GLG1: variants seen among roughly 807,000 people sequenced by gnomAD.
GLG1 encodes the protein golgi glycoprotein 1, also known as Golgi apparatus protein 1.
GLG1 carries 38 observed loss-of-function variants against 160.5 expected under a neutral mutation model. The ratio of observed to expected loss-of-function variants is 0.24; its 90% CI spans 0.18 to 0.31. The LOEUF (loss-of-function observed/expected upper bound fraction) is 0.31, where lower values mean the gene tolerates loss of function less well. Among genes scored for constraint, GLG1 ranks in the 10% least tolerant of loss-of-function variants. GLG1 has a pLI of 1.00. For synonymous variants in GLG1, 644 were observed against 543.4 expected (o/e 1.19, Z -2.57); for missense variants, 1,373 against 1,505.2 (o/e 0.91, Z 1.45).
At chr16:74,521,057 G>C (rs1270745289) in intron 2 of GLG1, among the ~76,000 whole-genome samples, 2 of 152,208 alleles carry the variant, frequency 1.3e-5, no homozygotes, top group African/African-American at 4.8e-5. Flanking sequence ...AAGAGAGTAA[G>C]AGAAGGAAAA....
intron 1 of GLG1, among the ~76,000 whole-genome samples, chr16:74,601,919 A>G (rs1369842215): frequency 6.6e-6 from 1 of 152,188 alleles, no homozygotes; most frequent in Admixed American, 6.6e-5. Context: ...ACCACTTAGG[A>G]TATAACATCA....
chr16:74,581,659 C>G (rs1335142837), intron 1 of GLG1, among the ~76,000 whole-genome samples: 1 of 152,064 alleles, frequency 6.6e-6, no homozygotes, highest in African/African-American at 2.4e-5. Context: ...TAAGGAAACC[C>G]CAGCACCTCG....
Position 74,462,503 on chromosome 16 carries a change from C to G in GLG1, c.2919G>C (p.Leu973=), listed in dbSNP as rs760700940. ...GCCAGTTTACCTGGTCAGCATATCTCAGCTTCAGGCAAGAGATGACTTGTC... is the reference window on the plus strand; with the variant it reads ...GCCAGTTTACCTGGTCAGCATATCTGAGCTTCAGGCAAGAGATGACTTGTC... ...LEGQVISCLK[L]RYADQRLSSD... is the part of the protein sequence containing the mutation. The change falls in exon 21 of 26, where the codon CTG becomes CTC. Residue 973 remains leucine, a synonymous_variant. Transcript: ENST00000422840. 6.2e-7 allele frequency: 1 copy of G among 1,613,922 alleles called. No individual in the cohort carries two copies. Among genetic ancestry groups the G allele is most frequent in the South Asian group, 1.1e-5 (1 of 91,070 alleles).
intron 1 of GLG1, among the ~76,000 whole-genome samples, chr16:74,555,759 T>G (rs2018333943): frequency 6.6e-6 from 1 of 151,618 alleles, no homozygotes; most frequent in African/African-American, 2.4e-5. Flanking sequence ...AGCCTAAGAT[T>G]TAAAAGATTT....
rs1486039582 is a variant in GLG1, at chr16:74,465,659, T to C, written c.2667+17A>G. 2.5e-6 allele frequency: 4 copies of C among 1,611,616 alleles called. No homozygotes were observed. Among genetic ancestry groups the C allele is most frequent in the African/African-American group, 2.7e-5 (2 of 74,782 alleles). ...TTGTTGTTCATCCGTGCTCGGCCTTTGGTGTCGGCTTCTCACCTTTATCAT... is the reference window on the plus strand; with the variant it reads ...TTGTTGTTCATCCGTGCTCGGCCTTCGGTGTCGGCTTCTCACCTTTATCAT... On this transcript the variant is annotated intron_variant, in intron 19 of 25. Transcript: ENST00000422840.
In GLG1 at chr16:74,520,720, T is replaced by G. The variant is rs542373884; in HGVS notation, c.471+11401A>C. On this transcript the variant is annotated intron_variant, in intron 2 of 25. Coordinates refer to ENST00000422840, the MANE Select transcript of GLG1 (RefSeq NM_001145667.2). The stretch of plus-strand genomic sequence containing the variant: ...ATGCCAGAAATATCTTTATATTACT[T>G]TGACTGGATATCATTTTTCGGTAAG... 1.2e-4 allele frequency among the ~76,000 whole-genome samples: 19 copies of G among 152,318 alleles called. 1 individual carries two copies. The East Asian group carries it at 3.7e-3, about 29-fold the overall frequency.
chr16:74,507,719 G>A (rs1301389183), intron 3 of GLG1, among the ~76,000 whole-genome samples: 4 of 151,772 alleles, frequency 2.6e-5, no homozygotes, highest in African/African-American at 9.7e-5. Context: ...GTGGGCGACA[G>A]AGCAAGACTC....
At position 74,449,132 on chromosome 16, in the gene GLG1, C is replaced by G. The variant is rs568714651; in HGVS notation, c.*4035G>C. On this transcript the variant is annotated 3_prime_UTR_variant, in exon 26 of 26. Coordinates refer to ENST00000422840, the MANE Select transcript of GLG1 (RefSeq NM_001145667.2). ...AAACAAAAAACCAAAAAAGCCATTA[C>G]GGCCAAAATTTAGGCTGACTGTTCT... is the stretch of plus-strand genomic sequence containing the variant. The G allele has an allele frequency of 1.3e-5, 2 of 152,180 alleles. No homozygotes were observed. Among genetic ancestry groups the G allele is most frequent in the African/African-American group, 2.4e-5 (1 of 41,418 alleles). 9.4% of individuals were successfully genotyped at this position (152,180 alleles called of 1,614,324 possible). A position where few individuals can be genotyped will look rare whatever the true frequency, so the allele number is the denominator to read the frequency against.
intron 1 of GLG1, among the ~76,000 whole-genome samples, chr16:74,583,264 C>T (rs1017266488): frequency 6.6e-5 from 10 of 152,146 alleles, no homozygotes; most frequent in African/African-American, 2.4e-4. Flanking sequence ...AGACTCAGTT[C>T]AAGAGTTAGT....
intron 1 of GLG1, among the ~76,000 whole-genome samples, chr16:74,566,150 T>C (rs1250477082): frequency 1.3e-5 from 2 of 152,214 alleles, no homozygotes; most frequent in African/African-American, 2.4e-5. Flanking sequence ...AACGTCAACT[T>C]TGATCACTTG....
chr16:74,505,448 G>A (rs2016560855), intron 3 of GLG1, among the ~76,000 whole-genome samples: 3 of 152,134 alleles, frequency 2.0e-5, no homozygotes, highest in Non-Finnish European at 4.4e-5. Flanking sequence ...GGCTGGGCAC[G>A]GTGGCTCATG....
chr16:74,478,408 G>C (rs966842560), intron 11 of GLG1, among the ~76,000 whole-genome samples: 8 of 152,124 alleles, frequency 5.3e-5, no homozygotes, highest in African/African-American at 1.9e-4. Context: ...TTTTTCCAAG[G>C]GCCATGACAA....
In GLG1 at chr16:74,451,579, G is replaced by A. The variant is rs781343884; in HGVS notation, c.*1588C>T. 13 of 169,918 alleles carry A rather than the reference G, an allele frequency of 7.7e-5. No homozygotes were observed. The highest frequency in any genetic ancestry group is 1.5e-4 in the South Asian group (1 of 6,732). 10.5% of individuals were successfully genotyped at this position (169,918 alleles called of 1,614,324 possible). A position where few individuals can be genotyped will look rare whatever the true frequency, so the allele number is the denominator to read the frequency against. On this transcript the variant is annotated 3_prime_UTR_variant, in exon 26 of 26. Transcript: ENST00000422840. ...AGCAGAGGCAAGAGTGGGGGGCGCC[G>A]AGGGCAGGCCTTGGTCTACATGGAC...
At chr16:74,505,241 A>G (rs753577514) in intron 3 of GLG1, among the ~76,000 whole-genome samples, 1 of 152,246 alleles carries the variant, frequency 6.6e-6, no homozygotes, top group Non-Finnish European at 1.5e-5. Context: ...TAACTCCAGT[A>G]TCAAATCCAG....
chr16:74,453,392 T>G (rs547809176), intron 25 of GLG1, 58 bp from the exon 26 acceptor site: 39 of 1,108,296 alleles, frequency 3.5e-5, no homozygotes, highest in Non-Finnish European at 5.0e-5. Context: ...GTGGCAGTGC[T>G]AGGTCTAACT....
intron 1 of GLG1, among the ~76,000 whole-genome samples, chr16:74,576,089 A>G (rs1263725081): frequency 2.0e-5 from 3 of 152,022 alleles, no homozygotes; most frequent in African/African-American, 4.8e-5. Context: ...AATCCCAGCT[A>G]CTCAGGAGGC....
chr16:74,519,218 A>G (rs1256726397), intron 2 of GLG1, among the ~76,000 whole-genome samples: 2 of 152,122 alleles, frequency 1.3e-5, no homozygotes, highest in Non-Finnish European at 2.9e-5. Flanking sequence ...CATCATTCTC[A>G]GCAAACTATC....
rs1483756631 is a variant in GLG1, at chr16:74,480,365, T to C, written c.1703A>G (p.Gln568Arg). The change falls in exon 11 of 26, where the codon CAG (glutamine) becomes CGG (arginine). Residue 568 changes from glutamine to arginine, a missense_variant. Physicochemically the swap from Gln to Arg is conservative, Grantham distance 43. Around this residue, in one of 4 missense-constraint regions of GLG1, gnomAD observed 386 missense variants for 388.5 expected, o/e 0.99. Transcript: ENST00000422840. ...GTGGCAAAGACGAGAAGCGTCTCCC[T>C]GGCACTTGCGGTACAGGACAGGGTC... ...KLDPVLYRKC[Q>R]GDASRLCHTH... The C allele has an allele frequency of 1.9e-6, 3 of 1,613,600 alleles. No homozygotes were observed. Among genetic ancestry groups the C allele is most frequent in the Non-Finnish European group, 2.5e-6 (3 of 1,179,536 alleles).
chr16:74,485,383 A>G (rs2015753374), intron 9 of GLG1, among the ~76,000 whole-genome samples: 1 of 152,174 alleles, frequency 6.6e-6, no homozygotes, highest in Non-Finnish European at 1.5e-5. Context: ...TGTTTCAAGT[A>G]TTTTCTGATG....
Sources: gnomAD v4.1 joint callset for allele counts (sites outside exome capture counted in the v4.1 genomes callset) on GRCh38, gnomAD v4.1.1 for gene constraint, gnomAD v4.1.1 regional missense constraint, MANE v1.5 for transcripts, NCBI Gene and HGNC (gene_info 2026-07-23, HGNC 2026-07-21) for gene names.